Variants in DCHS2 observed in about 807,000 individuals in gnomAD.
DCHS2 encodes the protein protocadherin-23.
In DCHS2, 142 loss-of-function variants were observed where a neutral mutation model predicts 182.4. The observed-to-expected ratio is 0.78, with a 90% CI of 0.68 to 0.89. The LOEUF (loss-of-function observed/expected upper bound fraction) is 0.89. Among genes scored for constraint, DCHS2 ranks in the 40% least tolerant of loss-of-function variants. The pLI, the probability that DCHS2 is intolerant of heterozygous loss-of-function variation, is 0.00. For synonymous variants in DCHS2, 1,740 were observed against 1,663.3 expected (o/e 1.05, Z -1.12); for missense variants, 4,319 against 4,198.6 (o/e 1.03, Z -0.79).
intron 10 of DCHS2, among the ~76,000 whole-genome samples, chr4:154,306,274 A>T (rs1176744864): frequency 6.6e-6 from 1 of 152,118 alleles, no homozygotes; most frequent in Non-Finnish European, 1.5e-5. Flanking sequence ...ACCCTGAGAA[A>T]AAAAGTCTAA....
intron 10 of DCHS2, among the ~76,000 whole-genome samples, chr4:154,307,568 G>T (rs747026514): frequency 3.3e-4 from 50 of 152,000 alleles, no homozygotes; most frequent in Admixed American, 7.2e-4. Context: ...TCTCCAGTCC[G>T]GCCCCATGAG....
chr4:154,347,362 A>G (rs1258746634), intron 3 of DCHS2, among the ~76,000 whole-genome samples: 1 of 151,132 alleles, frequency 6.6e-6, no homozygotes, highest in Admixed American at 6.6e-5. Flanking sequence ...AGATTTTTGC[A>G]TCAGATACAG....
At chr4:154,438,186 T>C (rs1733860850) in intron 1 of DCHS2, among the ~76,000 whole-genome samples, 1 of 152,148 alleles carries the variant, frequency 6.6e-6, no homozygotes, top group South Asian at 2.1e-4. Context: ...CCCTACCTAA[T>C]ACCAAACACT....
intron 2 of DCHS2, among the ~76,000 whole-genome samples, chr4:154,369,514 C>G (rs1730540966): frequency 6.6e-6 from 1 of 152,186 alleles, no homozygotes; most frequent in South Asian, 2.1e-4. Context: ...TTTTGTCCAG[C>G]TCATGGAAAC....
intron 1 of DCHS2, among the ~76,000 whole-genome samples, chr4:154,395,198 CATT>C (rs1031886454): frequency 6.6e-6 from 1 of 152,122 alleles, no homozygotes; most frequent in Non-Finnish European, 1.5e-5. Flanking sequence ...TTAATAACAT[CATT>C]AAGTATGAGT....
At chr4:154,244,760 A>T (rs1264834497) in intron 16 of DCHS2, among the ~76,000 whole-genome samples, 1 of 152,226 alleles carries the variant, frequency 6.6e-6, no homozygotes, top group Non-Finnish European at 1.5e-5. Context: ...ATATTAGTAG[A>T]ACAACCACCT....
At chr4:154,331,903 A>C (rs1427623642) in intron 5 of DCHS2, among the ~76,000 whole-genome samples, 1 of 152,224 alleles carries the variant, frequency 6.6e-6, no homozygotes, top group Non-Finnish European at 1.5e-5. Context: ...TTTAATCTTT[A>C]ATTTCTTAAT....
rs1419037330 is a variant in DCHS2, at chr4:154,490,486, G to C, written c.870C>G (p.Asn290Lys). Residue 290 changes from asparagine (N) to lysine (K), a missense_variant, in exon 1 of 20, where the codon AAC (asparagine) becomes AAG (lysine). Physicochemically the swap from Asn to Lys is moderately conservative, Grantham distance 94. Coordinates refer to ENST00000357232, the MANE Select transcript of DCHS2 (RefSeq NM_001358235.2). ...CCTGCTCAAAGACCGGCGGGTTGTCGTTCTCATCCAGCACGCGCAGCTCCA... is the reference window on the plus strand; with the variant it reads ...CCTGCTCAAAGACCGGCGGGTTGTCCTTCTCATCCAGCACGCGCAGCTCCA... Reference protein sequence around the residue: ...LSVELRVLDENDNPPVFEQDE... With the variant: ...LSVELRVLDEKDNPPVFEQDE... 10 of 1,536,732 alleles carry C rather than the reference G, an allele frequency of 6.5e-6. No homozygotes were observed. The highest frequency in any genetic ancestry group is 3.6e-5 in the South Asian group (3 of 83,978).
At chr4:154,308,224 T>C (rs1475594547) in intron 10 of DCHS2, among the ~76,000 whole-genome samples, 1 of 150,872 alleles carries the variant, frequency 6.6e-6, no homozygotes, top group Non-Finnish European at 1.5e-5. Flanking sequence ...ACTTGTCTTC[T>C]CTGTGGCATC....
chr4:154,357,341 AG>A, intron 3 of DCHS2: 1 of 1,554,640 alleles, frequency 6.4e-7, no homozygotes, highest in Non-Finnish European at 8.9e-7. Flanking sequence ...AGGGAAAAGG[AG>A]CCAGGCTGGT....
At chr4:154,405,138 T>C (rs1268775548) in intron 1 of DCHS2, among the ~76,000 whole-genome samples, 3 of 152,152 alleles carry the variant, frequency 2.0e-5, no homozygotes, top group Admixed American at 6.5e-5. Context: ...TAATCCCATC[T>C]GCTCGGGAGG....
intron 16 of DCHS2, among the ~76,000 whole-genome samples, chr4:154,248,118 C>T (rs1460688916): frequency 6.6e-6 from 1 of 152,066 alleles, no homozygotes; most frequent in African/African-American, 2.4e-5. Context: ...ATTTACAAGG[C>T]ATTCAGTGCA....
At chr4:154,374,095 A>G (rs367639505) in intron 2 of DCHS2, 1 of 696,472 alleles carries the variant, frequency 1.4e-6, no homozygotes. Context: ...AAAATTCCCA[A>G]TGCACTTCTG....
At chr4:154,330,381 C>G (rs1298887152) in intron 5 of DCHS2, among the ~76,000 whole-genome samples, 2 of 152,058 alleles carry the variant, frequency 1.3e-5, no homozygotes, top group African/African-American at 2.4e-5. Flanking sequence ...ACTCTTAATG[C>G]TTTAGAAGCT....
intron 1 of DCHS2, among the ~76,000 whole-genome samples, chr4:154,387,126 C>T (rs184556000): frequency 4.9e-4 from 75 of 152,290 alleles, no homozygotes; most frequent in Non-Finnish European, 7.2e-4. Flanking sequence ...CCTCAAGTTA[C>T]AGCCTGAAAA....
chr4:154,396,952 A>G (rs1034812743), intron 1 of DCHS2, among the ~76,000 whole-genome samples: 1 of 152,278 alleles, frequency 6.6e-6, no homozygotes, highest in African/African-American at 2.4e-5. Flanking sequence ...CCTTCCTGAT[A>G]TAACTTCTTC....
chr4:154,426,174 T>G (rs1312343725), intron 1 of DCHS2, among the ~76,000 whole-genome samples: 1 of 152,200 alleles, frequency 6.6e-6, no homozygotes, highest in Non-Finnish European at 1.5e-5. Context: ...CCGCTTCTAC[T>G]GGCCTATTGC....
In DCHS2 at chr4:154,234,378, A is replaced by G; in HGVS notation, c.*158T>C. 9.6e-7 allele frequency: 1 copy of G among 1,046,806 alleles called. No individual in the cohort carries two copies. Among genetic ancestry groups the G allele is most frequent in the Non-Finnish European group, 1.3e-6 (1 of 754,080 alleles). The allele number at this position is 1,046,806 out of a possible 1,614,324, so 64.8% of individuals were successfully genotyped here. ...TAACTTTTCATTAAGGCTGGAAGAA[A>G]TTGGAGAAACTTTAATGGGGAAGTT... is the stretch of plus-strand genomic sequence containing the variant. On this transcript the variant is annotated 3_prime_UTR_variant, in exon 20 of 20. Transcript: ENST00000357232.
intron 1 of DCHS2, among the ~76,000 whole-genome samples, chr4:154,437,216 A>G (rs1458162289): frequency 6.6e-6 from 1 of 152,182 alleles, no homozygotes; most frequent in Non-Finnish European, 1.5e-5. Flanking sequence ...CTCCTGAACT[A>G]TTAAATCAGA....
Sources: gnomAD v4.1 joint callset for allele counts (sites outside exome capture counted in the v4.1 genomes callset) on GRCh38, gnomAD v4.1.1 for gene constraint, MANE v1.5 for transcripts, NCBI Gene and HGNC (gene_info 2026-07-23, HGNC 2026-07-21) for gene names.